STARD13: variants seen among roughly 807,000 people sequenced by gnomAD.
The protein encoded by STARD13 is StAR related lipid transfer domain containing 13.
A neutral mutation model predicts 106.4 loss-of-function variants in STARD13; 62 were observed. That is an observed-to-expected ratio of 0.58 (90% CI 0.48 to 0.72). The LOEUF is 0.72. Among genes scored for constraint, STARD13 ranks in the 30% least tolerant of loss-of-function variants. The pLI, the probability that STARD13 is intolerant of heterozygous loss-of-function variation, is 0.00. For missense variants in STARD13, 1,387 were observed against 1,424.0 expected (o/e 0.97, Z 0.42); for synonymous variants, 565 against 553.0 (o/e 1.02, Z -0.31).
Position 33,129,321 on chromosome 13 carries a change from T to A in STARD13, c.1356A>T (p.Arg452Ser). ...TGTCATAGATACTGACTCGGCTGGC[T>A]CTGTGGCAGGACGCCATGAGCCGGG... Reference protein sequence around the residue: ...REPRLMASCHRASRVSIYDNV... With the variant: ...REPRLMASCHSASRVSIYDNV... The change falls in exon 5 of 14, where the codon AGA (arginine) becomes AGT (serine). Residue 452 changes from arginine to serine, a missense_variant. Arg to Ser is a moderately radical substitution (Grantham distance 110, BLOSUM62 -1). Transcript: ENST00000336934. 1 of 1,614,154 alleles carries A rather than the reference T, an allele frequency of 6.2e-7. No homozygotes were observed. Among genetic ancestry groups the A allele is most frequent in the Non-Finnish European group, 8.5e-7 (1 of 1,180,018 alleles).
the STARD13 span, among the ~76,000 whole-genome samples, chr13:33,374,044 A>G: frequency 6.6e-6 from 1 of 152,226 alleles, no homozygotes; most frequent in African/African-American, 2.4e-5. Flanking sequence ...CCAAATGTCC[A>G]TCAATAGATG....
chr13:33,236,353 G>C (rs1480356699), intron 1 of STARD13, among the ~76,000 whole-genome samples: 2 of 152,208 alleles, frequency 1.3e-5, no homozygotes, highest in African/African-American at 4.8e-5. Flanking sequence ...TCTGTGGAGA[G>C]GAATAAGGAA....
chr13:33,638,900 A>G, the STARD13 span, among the ~76,000 whole-genome samples: 1 of 152,026 alleles, frequency 6.6e-6, no homozygotes, highest in East Asian at 1.9e-4. Context: ...ACTTGTGGTT[A>G]TGTTTTATTT....
At chr13:33,427,753 C>T in the STARD13 span, among the ~76,000 whole-genome samples, 6 of 151,978 alleles carry the variant, frequency 3.9e-5, no homozygotes, top group Admixed American at 3.9e-4. Flanking sequence ...GTCAGGAGTT[C>T]GAGACCAGCC....
At chr13:33,280,428 CT>C (rs1891716524) in intron 1 of STARD13, 1 of 152,260 alleles carries the variant, frequency 6.6e-6, no homozygotes, top group Admixed American at 6.5e-5. Context: ...GGTAGTGAAA[CT>C]TTCTACATTC....
the STARD13 span, among the ~76,000 whole-genome samples, chr13:33,442,758 G>A: frequency 1.3e-5 from 2 of 152,050 alleles, no homozygotes; most frequent in Non-Finnish European, 1.5e-5. Context: ...TAGAAGCAGA[G>A]GCATAGGGGC....
chr13:33,434,723 CA>C, the STARD13 span, among the ~76,000 whole-genome samples: 3 of 152,186 alleles, frequency 2.0e-5, no homozygotes, highest in African/African-American at 7.2e-5. Context: ...TTCTTGGTGG[CA>C]CTTAACTTTA....
intron 2 of STARD13, 41 bp from the exon 3 acceptor site, chr13:33,165,459 T>C (rs983060279): frequency 4.7e-6 from 7 of 1,475,978 alleles, no homozygotes; most frequent in Non-Finnish European, 6.6e-6. Context: ...CTTTGTTTTA[T>C]CTGAATGAGC....
chr13:33,505,111 G>A, the STARD13 span, among the ~76,000 whole-genome samples: 3 of 152,158 alleles, frequency 2.0e-5, no homozygotes, highest in Non-Finnish European at 2.9e-5. Flanking sequence ...AGCAGAGACT[G>A]GGAATAGTAA....
intron 8 of STARD13, among the ~76,000 whole-genome samples, chr13:33,115,606 C>G (rs1875251742): frequency 1.3e-5 from 2 of 152,202 alleles, no homozygotes; most frequent in South Asian, 4.1e-4. Context: ...AAATGGGTGT[C>G]TCCCTCAGAC....
At chr13:33,557,316 G>A in the STARD13 span, among the ~76,000 whole-genome samples, 1 of 152,128 alleles carries the variant, frequency 6.6e-6, no homozygotes, top group South Asian at 2.1e-4. Context: ...CCCGGGCGAT[G>A]TAATGACTTG....
chr13:33,461,836 CA>C, the STARD13 span, among the ~76,000 whole-genome samples: 9 of 149,788 alleles, frequency 6.0e-5, no homozygotes, highest in Admixed American at 3.3e-4. Flanking sequence ...CAAGTAGAAC[CA>C]AAAAAAAATC....
the STARD13 span, among the ~76,000 whole-genome samples, chr13:33,491,987 C>T: frequency 2.0e-5 from 3 of 151,580 alleles, no homozygotes; most frequent in East Asian, 1.9e-4. Context: ...GGGGTGGGGC[C>T]GTTTTATAGG....
chr13:33,353,965 A>G (rs138670144), upstream of STARD13, among the ~76,000 whole-genome samples: 308 of 152,310 alleles, frequency 2.0e-3, 1 homozygote, highest in African/African-American at 7.3e-3. Context: ...TTGCAGAGTA[A>G]ATGAATGATT....
At chr13:33,523,288 A>G in the STARD13 span, among the ~76,000 whole-genome samples, 1 of 152,164 alleles carries the variant, frequency 6.6e-6, no homozygotes, top group Non-Finnish European at 1.5e-5. Context: ...TTGCTGAGCC[A>G]CCAACACTTT....
chr13:33,563,128 T>C, the STARD13 span, among the ~76,000 whole-genome samples: 96 of 147,076 alleles, frequency 6.5e-4, 9 homozygotes, highest in African/African-American at 2.3e-3. Flanking sequence ...TCCATGCTTA[T>C]GAATTTGAAG....
At chr13:33,560,891 T>A in the STARD13 span, among the ~76,000 whole-genome samples, 1 of 151,646 alleles carries the variant, frequency 6.6e-6, no homozygotes, top group African/African-American at 2.4e-5. Flanking sequence ...GTTATTTCCA[T>A]CTCTCTTTAT....
At chr13:33,602,762 C>T in the STARD13 span, among the ~76,000 whole-genome samples, 1 of 152,188 alleles carries the variant, frequency 6.6e-6, no homozygotes, top group Admixed American at 6.5e-5. Flanking sequence ...ATTAGATTCT[C>T]ATAGGAGCAT....
At chr13:33,380,636 C>T in the STARD13 span, among the ~76,000 whole-genome samples, 1 of 151,958 alleles carries the variant, frequency 6.6e-6, no homozygotes, top group African/African-American at 2.4e-5. Flanking sequence ...ATCTGGTAAA[C>T]AGATGCAAGA....
Sources: allele counts gnomAD v4.1 joint callset (sites outside exome capture counted in the v4.1 genomes callset), GRCh38; gene constraint gnomAD v4.1.1; transcripts MANE v1.5; gene names NCBI Gene and HGNC (gene_info 2026-07-23, HGNC 2026-07-21).